PTPRG: variants seen among roughly 807,000 people sequenced by gnomAD.
PTPRG encodes receptor-type tyrosine-protein phosphatase gamma.
Under a neutral mutation model 165.3 loss-of-function variants are expected in PTPRG, and 102 were observed. That is an observed-to-expected ratio of 0.62 (90% CI 0.53 to 0.73). PTPRG has a LOEUF of 0.73. Ranked by LOEUF, PTPRG falls within the 30% of genes least tolerant of loss-of-function variation. The pLI, the probability that PTPRG is intolerant of heterozygous loss-of-function variation, is 0.00. For synonymous variants in PTPRG, 675 were observed against 669.5 expected (o/e 1.01, Z -0.13); for missense variants, 1,866 against 1,861.4 (o/e 1.00, Z -0.05).
intron 2 of PTPRG, among the ~76,000 whole-genome samples, chr3:61,890,226 AG>A (rs1373474176): frequency 1.3e-5 from 2 of 152,148 alleles, no homozygotes; most frequent in East Asian, 1.9e-4. Context: ...TTAGTATTTA[AG>A]GTTAACTGAA....
At chr3:61,979,328 T>C (rs1036627035) in intron 2 of PTPRG, among the ~76,000 whole-genome samples, 3 of 152,216 alleles carry the variant, frequency 2.0e-5, no homozygotes, top group Non-Finnish European at 2.9e-5. Flanking sequence ...TTTTGAAATA[T>C]TATTTGTTTT....
rs963073900 is a variant in PTPRG at position 62,228,191 on chromosome 3, C to T, written c.2289-3034C>T. ...GGAGAGGGAGCCAAGAAGGATTTCT[C>T]GGAGGAGAGAATGTTTGGACTGTAT... On this transcript the variant is annotated intron_variant, in intron 13 of 29. Transcript: ENST00000474889. The surrounding 1 kb of genome is among the most constrained non-coding windows in gnomAD (Gnocchi z 4.1). Among the ~76,000 whole-genome samples the T allele has an allele frequency of 6.6e-6, 1 of 151,906 alleles. No homozygotes were observed. The highest frequency in any genetic ancestry group is 2.4e-5 in the African/African-American group (1 of 41,356).
chr3:62,102,848 A>G (rs1489053293), intron 5 of PTPRG, among the ~76,000 whole-genome samples: 1 of 151,754 alleles, frequency 6.6e-6, no homozygotes, highest in African/African-American at 2.4e-5. Context: ...TGCTCATATT[A>G]CAGGGCACCT....
At chr3:62,126,529 G>A (rs1203196418) in intron 5 of PTPRG, among the ~76,000 whole-genome samples, 2 of 152,104 alleles carry the variant, frequency 1.3e-5, no homozygotes, top group African/African-American at 2.4e-5. Context: ...CTCATTTGCC[G>A]ATGGAAACCA....
At chr3:61,997,484 CAGGGCCATTGAT>C (rs2041068236) in intron 3 of PTPRG, among the ~76,000 whole-genome samples, 1 of 152,192 alleles carries the variant, frequency 6.6e-6, no homozygotes, top group Admixed American at 6.5e-5. Flanking sequence ...ACCACTACCA[CAGGGCCATTGAT>C]TCTTTCTTGA....
intron 1 of PTPRG, among the ~76,000 whole-genome samples, chr3:61,628,575 C>A (rs1028331440): frequency 6.6e-6 from 1 of 152,178 alleles, no homozygotes; most frequent in African/African-American, 2.4e-5. Flanking sequence ...CTCAGGTGAT[C>A]CGTCTGCCTT....
rs1476351263 is a variant in PTPRG, at chr3:62,273,078, T to G, written c.3315T>G (p.Thr1105=). The G allele has an allele frequency of 5.6e-6, 9 of 1,607,400 alleles. No homozygotes were observed. Among genetic ancestry groups the G allele is most frequent in the Non-Finnish European group, 7.6e-6 (9 of 1,177,922 alleles). ...IRTQRNYLVQ[T]EEQYIFIHDA... ...CACAGCGTAACTACCTCGTCCAGAC[T>G]GAGGTAAGGAGTAGCTGCCAGCGTC... The change falls in exon 22 of 30, where the codon ACT becomes ACG. Residue 1105 remains threonine, a synonymous_variant. Coordinates refer to ENST00000474889, the MANE Select transcript of PTPRG (RefSeq NM_002841.4). The surrounding 1 kb of genome is among the most constrained non-coding windows in gnomAD (Gnocchi z 4.1).
intron 2 of PTPRG, among the ~76,000 whole-genome samples, chr3:61,809,826 C>T (rs1312591403): frequency 6.6e-6 from 1 of 152,156 alleles, no homozygotes; most frequent in East Asian, 1.9e-4. Flanking sequence ...GCCACGGAAG[C>T]TTTTTGAGCG....
intron 2 of PTPRG, among the ~76,000 whole-genome samples, chr3:61,780,898 A>G (rs1268229590): frequency 6.6e-6 from 1 of 152,254 alleles, no homozygotes; most frequent in African/African-American, 2.4e-5. Flanking sequence ...TGATGGCGTG[A>G]TATTATAAGT....
In PTPRG at chr3:62,157,163, C is replaced by T. The variant is rs1559579700; in HGVS notation, c.779C>T (p.Pro260Leu). ...YRYTGSLTTP[P>L]CSEIVEWIVF... ...TACACAGGTTCCTTGACCACACCAC[C>T]GTGTAGCGAAATAGTGGAGTGGATA... Residue 260 changes from proline (P) to leucine (L), a missense_variant, in exon 7 of 30, where the codon CCG becomes CTG. Coordinates refer to ENST00000474889, the MANE Select transcript of PTPRG (RefSeq NM_002841.4). 1.9e-6 allele frequency: 3 copies of T among 1,614,006 alleles called. No individual in the cohort carries two copies. Among genetic ancestry groups the T allele is most frequent in the South Asian group, 1.1e-5 (1 of 91,072 alleles).
intron 1 of PTPRG, among the ~76,000 whole-genome samples, chr3:61,661,561 A>G (rs1702669265): frequency 6.6e-6 from 1 of 152,202 alleles, no homozygotes; most frequent in Non-Finnish European, 1.5e-5. Flanking sequence ...CCATTTTATC[A>G]TGCTATAAAT....
At chr3:62,288,954 A>G (rs1009372691) in intron 28 of PTPRG, among the ~76,000 whole-genome samples, 1 of 152,234 alleles carries the variant, frequency 6.6e-6, no homozygotes, top group East Asian at 1.9e-4. Flanking sequence ...CATATTTTAA[A>G]AGAAAGAAAA....
chr3:61,596,302 CAT>C (rs1470457253), intron 1 of PTPRG, among the ~76,000 whole-genome samples: 2 of 152,072 alleles, frequency 1.3e-5, no homozygotes, highest in Admixed American at 6.6e-5. Context: ...GGAATTGTAC[CAT>C]AGTTTCACAT....
chr3:62,041,487 C>T (rs1403282632), intron 4 of PTPRG, among the ~76,000 whole-genome samples: 1 of 152,136 alleles, frequency 6.6e-6, no homozygotes, highest in East Asian at 1.9e-4. Flanking sequence ...CCTTGAATGT[C>T]TCCTTTTTTG....
At chr3:61,935,057 T>G (rs1477462783) in intron 2 of PTPRG, among the ~76,000 whole-genome samples, 1 of 152,082 alleles carries the variant, frequency 6.6e-6, no homozygotes, top group African/African-American at 2.4e-5. Context: ...ACAGACATCC[T>G]CCTCTCCTTC....
At chr3:61,562,527 C>T (rs1273184939) in intron 1 of PTPRG, among the ~76,000 whole-genome samples, 155 bp downstream of exon 1, 8 of 147,476 alleles carry the variant, frequency 5.4e-5, no homozygotes, top group Non-Finnish European at 6.0e-5. Flanking sequence ...GATTGCTCCG[C>T]TGGCTTGGAT....
chr3:61,955,248 G>A (rs768911228), intron 2 of PTPRG, among the ~76,000 whole-genome samples: 36 of 152,092 alleles, frequency 2.4e-4, no homozygotes, highest in Admixed American at 3.9e-4. Flanking sequence ...TGACCCAATA[G>A]CATGTTAGAT....
chr3:61,644,357 G>T (rs61254656), intron 1 of PTPRG, among the ~76,000 whole-genome samples: 2,621 of 152,246 alleles, frequency 0.017, 81 homozygotes, highest in African/African-American at 0.06. Flanking sequence ...CAAAGAGGGG[G>T]TGGCCTGTGT....
chr3:61,713,844 T>C, intron 1 of PTPRG, among the ~76,000 whole-genome samples: 1 of 152,214 alleles, frequency 6.6e-6, no homozygotes, highest in East Asian at 1.9e-4. Context: ...CCCATTTCCA[T>C]TTGTTAATAG....
Sources: allele counts gnomAD v4.1 joint callset (sites outside exome capture counted in the v4.1 genomes callset), GRCh38; gene constraint gnomAD v4.1.1; non-coding constraint Gnocchi (gnomAD v3.1); transcripts MANE v1.5; gene names NCBI Gene and HGNC (gene_info 2026-07-23, HGNC 2026-07-21).